The following RANBP10 variants were observed in gnomAD, a reference collection of about 807,000 sequenced individuals.
RANBP10 encodes RAN binding protein 10.
A neutral mutation model predicts 72.8 loss-of-function variants in RANBP10; 24 were observed. The ratio of observed to expected loss-of-function variants is 0.33; its 90% CI spans 0.24 to 0.46. RANBP10 has a LOEUF of 0.46. RANBP10 is among the 20% of genes least tolerant of loss of function. The pLI is 1.00. For missense variants in RANBP10, 679 were observed against 817.5 expected, an observed-to-expected ratio of 0.83 and a Z score of 2.07; for synonymous variants, 310 against 322.3, an observed-to-expected ratio of 0.96 and a Z score of 0.41.
Position 67,744,330 on chromosome 16 carries a change from T to C in RANBP10, c.526A>G (p.Ile176Val). 1.2e-6 allele frequency: 2 copies of C among 1,614,154 alleles called. No homozygotes were observed. Among genetic ancestry groups the C allele is most frequent in the Non-Finnish European group, 8.5e-7 (1 of 1,180,022 alleles). ...TTGGTGTAGAAGCAGGTGCCATTGA[T>C]GAGGTTGACACAGCAGCCGATCACG... ...GDVIGCCVNL[I>V]NGTCFYTKNG... The change falls in exon 4 of 14, where the codon ATC becomes GTC. Residue 176 changes from isoleucine to valine, a missense_variant. Ile to Val is a conservative substitution (Grantham distance 29). Transcript: ENST00000317506.
intron 3 of RANBP10, among the ~76,000 whole-genome samples, chr16:67,749,709 C>T (rs1046060369): frequency 2.0e-5 from 3 of 152,208 alleles, no homozygotes; most frequent in Non-Finnish European, 4.4e-5. Context: ...CCACCAGAGG[C>T]AGGCTCATGA....
In RANBP10 at chr16:67,729,919, G is replaced by A; in HGVS notation, c.998+19C>T. 6.2e-7 allele frequency: 1 copy of A among 1,613,598 alleles called. No homozygotes were observed. The highest frequency in any genetic ancestry group is 8.5e-7 in the Non-Finnish European group (1 of 1,179,898). The stretch of plus-strand genomic sequence containing the variant: ...AGAGGGGCTGGACTCTGGGGGAGCT[G>A]GGGGTGCCCAAGACTTACTTGAGCA... On this transcript the variant is annotated intron_variant, in intron 8 of 13. Coordinates refer to ENST00000317506, the MANE Select transcript of RANBP10 (RefSeq NM_020850.3). This position sits in a 1 kb window ranked among gnomAD's most constrained non-coding sequence, Gnocchi z 7.1.
rs2053555241 is a variant in RANBP10, at chr16:67,723,106, T to C, written c.*3322A>G. ...GTGTATTTTAATAAAAATAATTCTG[T>C]CAAAATACAACAGAGTTTTTTTTTT... On this transcript the variant is annotated 3_prime_UTR_variant, in exon 14 of 14. Coordinates refer to ENST00000317506, the MANE Select transcript of RANBP10 (RefSeq NM_020850.3). 1 of 152,554 alleles carries C rather than the reference T, an allele frequency of 6.6e-6. No homozygotes were observed. 9.5% of individuals were successfully genotyped at this position (152,554 alleles called of 1,614,324 possible).
chr16:67,739,191 C>G (rs1177803856), intron 4 of RANBP10: 1 of 152,136 alleles, frequency 6.6e-6, no homozygotes, highest in Non-Finnish European at 1.5e-5. Flanking sequence ...GTCTTGAACT[C>G]CTGACCTCAA....
intron 2 of RANBP10, among the ~76,000 whole-genome samples, chr16:67,793,799 A>AC (rs1597918717): frequency 6.6e-6 from 1 of 152,272 alleles, no homozygotes; most frequent in East Asian, 1.9e-4. Flanking sequence ...AGTACTATGC[A>AC]CATAATGGCC....
At position 67,730,624 on chromosome 16, in the gene RANBP10, C is replaced by T. The variant is rs917612528; in HGVS notation, c.890-578G>A. Among the ~76,000 whole-genome samples, 1 of 152,210 alleles carries T rather than the reference C, an allele frequency of 6.6e-6. No homozygotes were observed. The highest frequency in any genetic ancestry group is 6.5e-5 in the Admixed American group (1 of 15,282). ...TCAGCATCTTGCTGCTGCCTTTTCG[C>T]TCTTGCCGTGGGGCCTGGTGCATCT... On this transcript the variant is annotated intron_variant, in intron 7 of 13. Transcript: ENST00000317506. This position sits in a 1 kb window ranked among gnomAD's most constrained non-coding sequence, Gnocchi z 4.3.
rs147745288 is a variant in RANBP10, at chr16:67,737,752, C to G, written c.591+261G>C. Among the ~76,000 whole-genome samples, 34 of 152,208 alleles carry G rather than the reference C, an allele frequency of 2.2e-4. No homozygotes were observed. In the East Asian group the frequency reaches 5.8e-3, roughly 26 times the overall value. The stretch of plus-strand genomic sequence containing the variant: ...GCTATCTTCATTCCACCACCCTACC[C>G]GCCCCAGCCCCACAGCTGCCTTTGG... On this transcript the variant is annotated intron_variant, in intron 5 of 13. Coordinates refer to ENST00000317506, the MANE Select transcript of RANBP10 (RefSeq NM_020850.3).
intron 1 of RANBP10, 47 bp from the exon 2 acceptor site, chr16:67,805,586 A>AT: frequency 6.6e-7 from 1 of 1,516,226 alleles, no homozygotes; most frequent in Non-Finnish European, 9.1e-7. Context: ...GGAAATGCAA[A>AT]TGGAAGCCTC....
intron 4 of RANBP10, among the ~76,000 whole-genome samples, chr16:67,743,242 T>C (rs1326646815): frequency 6.6e-6 from 1 of 152,124 alleles, no homozygotes; most frequent in Non-Finnish European, 1.5e-5. Context: ...CTTCTAGGAG[T>C]TGGGTTCCAA....
chr16:67,729,761 GGCTTCGGGA>G lies in RANBP10; in HGVS notation c.1057_1065del (p.Ser353_Ser355del), dbSNP rs774787463. On this transcript the variant is annotated inframe_deletion, in exon 9 of 14. Coordinates refer to ENST00000317506, the MANE Select transcript of RANBP10 (RefSeq NM_020850.3). The surrounding 1 kb of genome is among the most constrained non-coding windows in gnomAD (Gnocchi z 7.1). ...CCAGGGTAGCTGTCCTGGGACTTGG[GGCTTCGGGA>G]GCTCAAACTTCGGACCTCACTGTCC... 3.1e-6 allele frequency: 5 copies of G among 1,614,132 alleles called. No homozygotes were observed. The South Asian group carries it at 5.5e-5, about 18-fold the overall frequency.
At chr16:67,773,022 G>C (rs2054635948) in intron 2 of RANBP10, among the ~76,000 whole-genome samples, 1 of 152,222 alleles carries the variant, frequency 6.6e-6, no homozygotes, top group African/African-American at 2.4e-5. Flanking sequence ...ATGTGAGAAA[G>C]ACATGAAATT....
At position 67,728,516 on chromosome 16, in the gene RANBP10, G is replaced by A. The variant is rs775509588; in HGVS notation, c.1353-5C>T. Reference sequence around the variant, plus strand: ...TCCATCTCCATCTCACTGTCGCTGTGGGGAGGGGTTGAGGTGGGAGTTGGC... The same window carrying A: ...TCCATCTCCATCTCACTGTCGCTGTAGGGAGGGGTTGAGGTGGGAGTTGGC... On this transcript the variant is annotated splice_region_variant and splice_polypyrimidine_tract_variant and intron_variant, in intron 10 of 13. Transcript: ENST00000317506. 6.2e-7 allele frequency: 1 copy of A among 1,614,088 alleles called. No individual in the cohort carries two copies. Among genetic ancestry groups the A allele is most frequent in the East Asian group, 2.2e-5 (1 of 44,874 alleles).
chr16:67,772,719 C>T (rs960100696), intron 2 of RANBP10, among the ~76,000 whole-genome samples: 3 of 152,164 alleles, frequency 2.0e-5, no homozygotes, highest in African/African-American at 7.2e-5. Flanking sequence ...GGCTTATTCT[C>T]TTTGAACCCT....
At chr16:67,778,412 G>A (rs1042700320) in intron 2 of RANBP10, among the ~76,000 whole-genome samples, 1 of 152,044 alleles carries the variant, frequency 6.6e-6, no homozygotes, top group Admixed American at 6.6e-5. Context: ...AACTCAAAAT[G>A]GATCAAAGAC....
chr16:67,788,878 T>C (rs759174492), intron 2 of RANBP10, among the ~76,000 whole-genome samples: 29 of 151,314 alleles, frequency 1.9e-4, no homozygotes, highest in Non-Finnish European at 3.8e-4. Flanking sequence ...CACACGCCTA[T>C]AGTCCCAGCT....
intron 2 of RANBP10, among the ~76,000 whole-genome samples, chr16:67,798,329 A>G (rs973964519): frequency 6.6e-6 from 1 of 152,180 alleles, no homozygotes; most frequent in African/African-American, 2.4e-5. Context: ...AGCACTGTAC[A>G]ATGCATGTAG....
chr16:67,734,753 C>A (rs2053805619), intron 6 of RANBP10, 105 bp downstream of exon 6: 12 of 1,207,616 alleles, frequency 9.9e-6, no homozygotes, highest in Non-Finnish European at 1.1e-5. Context: ...CAGAAAGGAT[C>A]CACCCGCTGG....
intron 2 of RANBP10, among the ~76,000 whole-genome samples, chr16:67,791,467 G>A (rs1273090765): frequency 6.6e-6 from 1 of 152,272 alleles, no homozygotes; most frequent in South Asian, 2.1e-4. Context: ...CACCCACAGG[G>A]CTCTGGTAGG....
At chr16:67,790,573 T>C (rs1313297907) in intron 2 of RANBP10, among the ~76,000 whole-genome samples, 2 of 151,768 alleles carry the variant, frequency 1.3e-5, no homozygotes, top group Non-Finnish European at 2.9e-5. Flanking sequence ...AGGGAGGCCC[T>C]GGCACAGAGC....
Sources: allele counts gnomAD v4.1 joint callset (sites outside exome capture counted in the v4.1 genomes callset), GRCh38; gene constraint gnomAD v4.1.1; non-coding constraint Gnocchi (gnomAD v3.1); transcripts MANE v1.5; gene names NCBI Gene and HGNC (gene_info 2026-07-23, HGNC 2026-07-21).